The following ADGRD2 variants were observed in gnomAD, a reference collection of about 807,000 sequenced individuals.
ADGRD2 encodes the protein G protein-coupled receptor PGR24.
A neutral mutation model predicts 44.4 loss-of-function variants in ADGRD2; 71 were observed. The observed-to-expected ratio is 1.60, with a 90% CI of 1.32 to 1.95. The LOEUF (loss-of-function observed/expected upper bound fraction) is 1.95, where lower values mean the gene tolerates loss of function less well. ADGRD2 is among the 30% of genes most tolerant of loss of function. The probability of loss-of-function intolerance (pLI) is 0.00; values close to 1 mark genes in which losing one functional copy is unlikely to be tolerated. For missense variants in ADGRD2, 1,039 were observed against 512.4 expected (o/e 2.03, Z -9.92); for synonymous variants, 481 against 224.8 (o/e 2.14, Z -10.19).
chr9:124,466,391 T>C (rs1831824131), exon 11 of ADGRD2: 1 of 716,538 alleles, frequency 1.4e-6, no homozygotes, highest in East Asian at 2.7e-5. Context: ...TTTGCCATCC[T>C]GCTGCAAATC....
At chr9:124,471,380 G>A (rs1831942949) in intron 17 of ADGRD2, among the ~76,000 whole-genome samples, 1 of 152,214 alleles carries the variant, frequency 6.6e-6, no homozygotes, top group Admixed American at 6.5e-5. Context: ...ACTGTGCCAG[G>A]CTCAGGAAGT....
Position 124,452,850 on chromosome 9 carries a change from C to CT in ADGRD2, c.281+131dup, listed in dbSNP as rs1012456424. The CT allele has an allele frequency of 6.5e-6, 4 of 618,710 alleles. No individual in the cohort carries two copies. In the African/African-American group the frequency reaches 7.3e-5, roughly 11 times the overall value. 38.3% of individuals were successfully genotyped at this position (618,710 alleles called of 1,614,324 possible). A position where few individuals can be genotyped will look rare whatever the true frequency, so the allele number is the denominator to read the frequency against. ...AAGACCCCATTGCATCTCCAGGTTCCTTTGCCCTGGACTGGGCGTCGGGGC... is the reference window on the plus strand; with the variant it reads ...AAGACCCCATTGCATCTCCAGGTTCCTTTTGCCCTGGACTGGGCGTCGGGGC... On this transcript the variant is annotated intron_variant, in intron 2 of 21. Transcript: ENST00000334810.
At chr9:124,474,393 G>A (rs1832007507) in intron 17 of ADGRD2, among the ~76,000 whole-genome samples, 1 of 152,216 alleles carries the variant, frequency 6.6e-6, no homozygotes, top group African/African-American at 2.4e-5. Context: ...GATGCCTTTG[G>A]GTGGTAAGGA....
In ADGRD2 at chr9:124,457,625, G is replaced by C. The variant is rs1162780400; in HGVS notation, c.1640+19G>C. ...AGGAAAGGTGGGTGAGGATGAGGGG[G>C]TGTCCAGAGCCCTGTTGGGTTCTGG... is the stretch of plus-strand genomic sequence containing the variant. On this transcript the variant is annotated intron_variant, in intron 8 of 21. Coordinates refer to ENST00000334810, the Ensembl canonical transcript of ADGRD2. 3 of 612,170 alleles carry C rather than the reference G, an allele frequency of 4.9e-6. No homozygotes were observed. The East Asian group carries it at 8.3e-5, about 17-fold the overall frequency. 37.9% of individuals were successfully genotyped at this position (612,170 alleles called of 1,614,324 possible).
At chr9:124,451,319 G>C (rs1267099640), upstream of ADGRD2, 1 of 435,820 alleles carries the variant, frequency 2.3e-6, no homozygotes, top group Non-Finnish European at 4.7e-6. Context: ...CCTGAGCTCT[G>C]TTTCGCCCCT....
intron 10 of ADGRD2, among the ~76,000 whole-genome samples, chr9:124,464,122 C>T (rs973077560): frequency 5.3e-5 from 8 of 151,848 alleles, no homozygotes; most frequent in African/African-American, 1.7e-4. Context: ...CACGCCCAGC[C>T]TTGTTTAATA....
intron 10 of ADGRD2, among the ~76,000 whole-genome samples, chr9:124,463,347 G>A (rs977041890): frequency 9.2e-5 from 14 of 152,098 alleles, no homozygotes; most frequent in African/African-American, 3.1e-4. Flanking sequence ...TTTGTTTATG[G>A]TGTATTATCT....
In ADGRD2 at chr9:124,454,469, T is replaced by C. The variant is rs1482306156; in HGVS notation, c.1023-15T>C. 2 of 704,594 alleles carry C rather than the reference T, an allele frequency of 2.8e-6. No individual in the cohort carries two copies. Among genetic ancestry groups the C allele is most frequent in the South Asian group, 3.0e-5 (2 of 67,264 alleles). The allele number at this position is 704,594 out of a possible 1,614,324, so 43.6% of individuals were successfully genotyped here. ...GTATTGCCCGGGGCCTAGCCTGGCA[T>C]CCACTCCTTTGCAGAGCCCTATCGT... is the stretch of plus-strand genomic sequence containing the variant. On this transcript the variant is annotated splice_polypyrimidine_tract_variant and intron_variant, in intron 4 of 21. Coordinates refer to ENST00000334810, the Ensembl canonical transcript of ADGRD2. This position sits in a 1 kb window ranked among gnomAD's most constrained non-coding sequence, Gnocchi z 4.5.
At chr9:124,461,264 A>G (rs1831718311) in intron 10 of ADGRD2, among the ~76,000 whole-genome samples, 1 of 152,226 alleles carries the variant, frequency 6.6e-6, no homozygotes, top group Non-Finnish European at 1.5e-5. Context: ...TTTTCTTAAC[A>G]GTATCTTTGG....
In ADGRD2 at chr9:124,456,239, C is replaced by G. The variant is rs146051288; in HGVS notation, c.1394-383C>G. 4.3e-4 allele frequency among the ~76,000 whole-genome samples: 65 copies of G among 152,334 alleles called. 1 individual carries two copies. The highest frequency in any genetic ancestry group is 9.8e-4 in the Admixed American group (15 of 15,302). Reference sequence around the variant, plus strand: ...AGGTGCCCCATGAATGCAGGTTCCTCTCCTCCCTCCCCTGCTCTCACCACC... The same window carrying G: ...AGGTGCCCCATGAATGCAGGTTCCTGTCCTCCCTCCCCTGCTCTCACCACC... On this transcript the variant is annotated intron_variant, in intron 6 of 21. Coordinates refer to ENST00000334810, the Ensembl canonical transcript of ADGRD2.
At chr9:124,475,331 G>T in intron 17 of ADGRD2, 115 bp from the exon 21 acceptor site, 1 of 612,988 alleles carries the variant, frequency 1.6e-6, no homozygotes, top group Middle Eastern at 4.3e-4. Context: ...CCTGTCTCTG[G>T]GTATCTCTGC....
In ADGRD2 at chr9:124,457,678, G is replaced by C. The variant is rs537142307; in HGVS notation, c.1640+72G>C. On this transcript the variant is annotated intron_variant, in intron 8 of 21. Coordinates refer to ENST00000334810, the Ensembl canonical transcript of ADGRD2. ...CAAACCTCAGCTCTAACTGTCGCTA[G>C]CTGTGCTACTCATCTTTCAGATCCT... 685 of 548,618 alleles carry C rather than the reference G, an allele frequency of 1.2e-3. 3 individuals are homozygous for C. Among genetic ancestry groups the C allele is most frequent in the Non-Finnish European group, 1.9e-3 (575 of 305,178 alleles). The allele number at this position is 548,618 out of a possible 1,614,324, so 34.0% of individuals were successfully genotyped here.
intron 17 of ADGRD2, among the ~76,000 whole-genome samples, chr9:124,475,128 A>G (rs1289391607): frequency 1.3e-5 from 2 of 152,242 alleles, no homozygotes; most frequent in African/African-American, 4.8e-5. Flanking sequence ...ACCACATAGC[A>G]TGGCGAGGCG....
intron 10 of ADGRD2, among the ~76,000 whole-genome samples, chr9:124,462,647 T>A (rs200974135): frequency 1.4e-4 from 2 of 14,710 alleles, no homozygotes; most frequent in Non-Finnish European, 2.0e-4. Flanking sequence ...AAGTATTACA[T>A]AAGTTTTGGA....
intron 10 of ADGRD2, among the ~76,000 whole-genome samples, chr9:124,459,521 A>G (rs986392593): frequency 4.6e-5 from 7 of 152,028 alleles, no homozygotes; most frequent in African/African-American, 1.7e-4. Context: ...TTGTAGATAT[A>G]TATGGTCAGC....
In ADGRD2 at chr9:124,458,785, AC is replaced by A; in HGVS notation, c.1870+69del. On this transcript the variant is annotated intron_variant, in intron 10 of 21. Transcript: ENST00000334810. Reference sequence around the variant, plus strand: ...CACGTGTCCTGGTTCAGTTCCCCCAACCCCCAGTATTTATCCAATGGACAAC... The same window carrying A: ...CACGTGTCCTGGTTCAGTTCCCCCAACCCCAGTATTTATCCAATGGACAAC... The A allele has an allele frequency of 5.7e-6, 4 of 696,718 alleles. No individual in the cohort carries two copies. The East Asian group carries it at 1.1e-4, about 19-fold the overall frequency. 43.2% of individuals were successfully genotyped at this position (696,718 alleles called of 1,614,324 possible). A position where few individuals can be genotyped will look rare whatever the true frequency, so the allele number is the denominator to read the frequency against.
chr9:124,451,163 C>T (rs1485479107), upstream of ADGRD2: 1 of 472,302 alleles, frequency 2.1e-6, no homozygotes, highest in Non-Finnish European at 4.4e-6. Context: ...CCTTGGGGAG[C>T]AGGGGAAAGG....
intron 20 of ADGRD2, 41 bp downstream of exon 23, chr9:124,476,456 G>A (rs1162657833): frequency 7.3e-6 from 5 of 688,824 alleles, no homozygotes; most frequent in Non-Finnish European, 1.3e-5. Flanking sequence ...GCTCTGCCAG[G>A]GGGCTGGCAA....
At chr9:124,470,998 G>A (rs1831936557) in intron 17 of ADGRD2, among the ~76,000 whole-genome samples, 1 of 152,258 alleles carries the variant, frequency 6.6e-6, no homozygotes, top group Non-Finnish European at 1.5e-5. Context: ...CCTCCCCCTT[G>A]GGGTCTGCGG....
Sources: allele counts gnomAD v4.1 joint callset (sites outside exome capture counted in the v4.1 genomes callset), GRCh38; gene constraint gnomAD v4.1.1; non-coding constraint Gnocchi (gnomAD v3.1); transcripts MANE v1.5; gene names NCBI Gene and HGNC (gene_info 2026-07-23, HGNC 2026-07-21).